The following TWIST2 variants were observed in gnomAD, a reference collection of about 807,000 sequenced individuals.
The protein encoded by TWIST2 is twist family bHLH transcription factor 2.
A neutral mutation model predicts 11.6 loss-of-function variants in TWIST2; 1 was observed. That is an observed-to-expected ratio of 0.09 (90% CI 0.03 to 0.41). The LOEUF (loss-of-function observed/expected upper bound fraction) is 0.41. TWIST2 is among the 10% of genes least tolerant of loss of function. The pLI, the probability that TWIST2 is intolerant of heterozygous loss-of-function variation, is 0.98. For synonymous variants in TWIST2, 87 were observed against 96.6 expected (o/e 0.90, Z 0.58); for missense variants, 168 against 226.4 (o/e 0.74, Z 1.66).
intron 1 of TWIST2, among the ~76,000 whole-genome samples, chr2:238,869,895 C>CTA (rs1223336215): frequency 3.3e-5 from 5 of 152,018 alleles, no homozygotes; most frequent in Non-Finnish European, 5.9e-5. Flanking sequence ...TTACAGTGAG[C>CTA]TATGCACACC....
At chr2:238,902,954 G>T (rs1318373211) in intron 1 of TWIST2, among the ~76,000 whole-genome samples, 1 of 20,036 alleles carries the variant, frequency 5.0e-5, no homozygotes, top group Non-Finnish European at 8.2e-5. Context: ...TGATGTGTGA[G>T]GTGTGTGTGA....
At chr2:238,892,029 C>T (rs1390261774) in intron 1 of TWIST2, among the ~76,000 whole-genome samples, 1 of 152,146 alleles carries the variant, frequency 6.6e-6, no homozygotes, top group Non-Finnish European at 1.5e-5. Flanking sequence ...ATGTGCTTGC[C>T]GCTGAGCCAT....
At chr2:238,852,163 ATAAAG>A (rs1692253783) in intron 1 of TWIST2, among the ~76,000 whole-genome samples, 1 of 152,212 alleles carries the variant, frequency 6.6e-6, no homozygotes, top group African/African-American at 2.4e-5. Context: ...CACCACACAC[ATAAAG>A]TAAACTCTTT....
intron 1 of TWIST2, among the ~76,000 whole-genome samples, chr2:238,858,048 C>T (rs540268454): frequency 6.6e-6 from 1 of 152,306 alleles, no homozygotes; most frequent in South Asian, 2.1e-4. Context: ...GTTCTCTGTA[C>T]CAGGCTCTTG....
intron 1 of TWIST2, among the ~76,000 whole-genome samples, chr2:238,869,517 G>C (rs1430731012): frequency 6.6e-6 from 1 of 152,172 alleles, no homozygotes; most frequent in African/African-American, 2.4e-5. Flanking sequence ...AAATTAGATA[G>C]CCTGCATAAA....
chr2:238,848,219 G>A lies in TWIST2; in HGVS notation c.4G>A (p.Glu2Lys). M[E>K]EGSSSPVSPV... Reference sequence around the variant, plus strand: ...CCACGCGCGCCGGGCGGGCGCCATGGAGGAGGGCTCCAGCTCGCCCGTGTC... The same window carrying A: ...CCACGCGCGCCGGGCGGGCGCCATGAAGGAGGGCTCCAGCTCGCCCGTGTC... Residue 2 changes from glutamate to lysine, a missense_variant, in exon 1 of 2, where the codon GAG (glutamate) becomes AAG (lysine). By Grantham distance (56) the Glu-to-Lys change is moderately conservative. Around this residue, in one of 3 missense-constraint regions of TWIST2, gnomAD observed 83 missense variants for 92.7 expected, o/e 0.90. Coordinates refer to ENST00000612363, the MANE Select transcript of TWIST2 (RefSeq NM_001271893.4). 7.2e-7 allele frequency: 1 copy of A among 1,380,942 alleles called. No individual in the cohort carries two copies. Among genetic ancestry groups the A allele is most frequent in the Non-Finnish European group, 9.4e-7 (1 of 1,065,640 alleles). 85.5% of individuals were successfully genotyped at this position (1,380,942 alleles called of 1,614,324 possible). A position where few individuals can be genotyped will look rare whatever the true frequency, so the allele number is the denominator to read the frequency against.
At chr2:238,860,917 G>C (rs916377934) in intron 1 of TWIST2, among the ~76,000 whole-genome samples, 3 of 152,168 alleles carry the variant, frequency 2.0e-5, no homozygotes, top group African/African-American at 7.2e-5. Context: ...CAGCCTGGGT[G>C]ACAGAGCAAG....
rs532645096 is a variant in TWIST2, at chr2:238,864,679, G to A, written c.*35+15946G>A. ...GGGAGAAGAGGAGGTGGGAGGGTGC[G>A]GGGCCGTGGCTTGCTCTGTGGGGAC... On this transcript the variant is annotated intron_variant, in intron 1 of 1. Coordinates refer to ENST00000612363, the MANE Select transcript of TWIST2 (RefSeq NM_001271893.4). This position sits in a 1 kb window ranked among gnomAD's most constrained non-coding sequence, Gnocchi z 4.7. Among the ~76,000 whole-genome samples, 10 of 152,266 alleles carry A rather than the reference G, an allele frequency of 6.6e-5. No homozygotes were observed. In the East Asian group the frequency reaches 1.9e-3, roughly 29 times the overall value.
intron 1 of TWIST2, among the ~76,000 whole-genome samples, chr2:238,889,708 G>T (rs1693098723): frequency 1.3e-5 from 2 of 152,254 alleles, no homozygotes; most frequent in Non-Finnish European, 2.9e-5. Flanking sequence ...ACATGGAGTA[G>T]GATTCCACCC....
intron 1 of TWIST2, among the ~76,000 whole-genome samples, chr2:238,861,087 G>A (rs998398629): frequency 6.6e-5 from 10 of 152,206 alleles, no homozygotes; most frequent in African/African-American, 9.6e-5. Flanking sequence ...ACTCCAGATG[G>A]AGATGGGAGG....
At chr2:238,895,235 G>T (rs1435682337) in intron 1 of TWIST2, among the ~76,000 whole-genome samples, 1 of 152,260 alleles carries the variant, frequency 6.6e-6, no homozygotes, top group Non-Finnish European at 1.5e-5. Context: ...GATACAAAAG[G>T]TATTTCCAGC....
chr2:238,903,066 TA>T (rs1247766506), intron 1 of TWIST2, among the ~76,000 whole-genome samples: 1 of 108,138 alleles, frequency 9.2e-6, no homozygotes, highest in Non-Finnish European at 1.9e-5. Context: ...GTGTGTGATG[TA>T]GTGTGTGTGA....
chr2:238,873,974 A>G (rs1266851926), intron 1 of TWIST2, among the ~76,000 whole-genome samples: 1 of 152,138 alleles, frequency 6.6e-6, no homozygotes, highest in Non-Finnish European at 1.5e-5. Context: ...TCCATGTTCC[A>G]TCAAGGAAAA....
At chr2:238,869,136 T>G (rs796837427) in intron 1 of TWIST2, among the ~76,000 whole-genome samples, 3 of 152,266 alleles carry the variant, frequency 2.0e-5, no homozygotes, top group African/African-American at 7.2e-5. Flanking sequence ...AAAGCCTGCT[T>G]CCGAAGCGAG....
chr2:238,906,670 G>T (rs1428255880), intron 1 of TWIST2, among the ~76,000 whole-genome samples: 1 of 152,208 alleles, frequency 6.6e-6, no homozygotes, highest in East Asian at 1.9e-4. Context: ...ACACACACGG[G>T]ATGTCACCGA....
intron 1 of TWIST2, among the ~76,000 whole-genome samples, chr2:238,899,676 C>T (rs1693245591): frequency 6.6e-6 from 1 of 152,236 alleles, no homozygotes; most frequent in African/African-American, 2.4e-5. Flanking sequence ...CAAATGGTAA[C>T]ATTCTGCATT....
intron 1 of TWIST2, among the ~76,000 whole-genome samples, chr2:238,872,703 G>A (rs1374921786): frequency 1.3e-5 from 2 of 152,186 alleles, no homozygotes; most frequent in East Asian, 1.9e-4. Context: ...GCCTAGCCAC[G>A]GAGCAGGTAC....
intron 1 of TWIST2, among the ~76,000 whole-genome samples, chr2:238,900,692 G>A (rs1382886420): frequency 6.6e-6 from 1 of 152,212 alleles, no homozygotes; most frequent in African/African-American, 2.4e-5. Flanking sequence ...CCAACACTCT[G>A]GACATTCTGG....
intron 1 of TWIST2, among the ~76,000 whole-genome samples, chr2:238,885,832 G>T (rs1432998610): frequency 1.3e-5 from 2 of 152,132 alleles, no homozygotes; most frequent in Non-Finnish European, 2.9e-5. Context: ...AGCACTTTGA[G>T]ATGTTTGGGG....
Sources: allele counts gnomAD v4.1 joint callset (sites outside exome capture counted in the v4.1 genomes callset), GRCh38; gene constraint gnomAD v4.1.1; regional missense constraint gnomAD v4.1.1; non-coding constraint Gnocchi (gnomAD v3.1); transcripts MANE v1.5; gene names NCBI Gene and HGNC (gene_info 2026-07-23, HGNC 2026-07-21).